Variants in EPS15 observed in about 807,000 individuals in gnomAD.
EPS15 encodes epidermal growth factor receptor pathway substrate 15, also known as epidermal growth factor receptor substrate 15.
A neutral mutation model predicts 113.8 loss-of-function variants in EPS15; 72 were observed. That is an observed-to-expected ratio of 0.63 (90% CI 0.52 to 0.77). The LOEUF (loss-of-function observed/expected upper bound fraction) is 0.77, where lower values mean the gene tolerates loss of function less well. Among genes scored for constraint, EPS15 ranks in the 30% least tolerant of loss-of-function variants. The pLI, the probability that EPS15 is intolerant of heterozygous loss-of-function variation, is 0.00. For missense variants in EPS15, 1,048 were observed against 1,045.8 expected, an observed-to-expected ratio of 1.00 and a Z score of -0.03; for synonymous variants, 344 against 363.4, an observed-to-expected ratio of 0.95 and a Z score of 0.61.
Position 51,488,076 on chromosome 1 carries a change from C to A in EPS15, c.34-6762G>T, listed in dbSNP as rs1017911532. On this transcript the variant is annotated intron_variant, in intron 1 of 24. Transcript: ENST00000371733. ...TTTTTACATTCTTCTTCATACTACT[C>A]TGCAGTCTCTGGAAACTCTGAGAAT... is the stretch of plus-strand genomic sequence containing the variant. Among the ~76,000 whole-genome samples, 8 of 152,174 alleles carry A rather than the reference C, an allele frequency of 5.3e-5. No individual in the cohort carries two copies. The South Asian group carries it at 1.0e-3, about 20-fold the overall frequency.
chr1:51,375,843 T>C (rs1646784540), intron 21 of EPS15, among the ~76,000 whole-genome samples: 2 of 152,116 alleles, frequency 1.3e-5, no homozygotes, highest in South Asian at 2.1e-4. Flanking sequence ...CCAACATAAA[T>C]ACATAAATAG....
intron 12 of EPS15, among the ~76,000 whole-genome samples, chr1:51,430,837 T>C (rs1651648743): frequency 1.3e-5 from 2 of 151,924 alleles, no homozygotes; most frequent in African/African-American, 2.4e-5. Flanking sequence ...CACATGCCTG[T>C]AGTCCCAGCT....
At chr1:51,407,467 G>A (rs1437059785) in intron 15 of EPS15, among the ~76,000 whole-genome samples, 2 of 152,078 alleles carry the variant, frequency 1.3e-5, no homozygotes, top group Admixed American at 1.3e-4. Flanking sequence ...CAAAGTGCTG[G>A]GATTACAGGC....
intron 16 of EPS15, among the ~76,000 whole-genome samples, chr1:51,405,550 T>C (rs1649027472): frequency 6.6e-6 from 1 of 151,826 alleles, no homozygotes; most frequent in Non-Finnish European, 1.5e-5. Context: ...TACAAAAAAT[T>C]AGCTGAGTGT....
chr1:51,410,335 G>A (rs1267903702), intron 13 of EPS15, among the ~76,000 whole-genome samples: 2 of 151,184 alleles, frequency 1.3e-5, no homozygotes, highest in East Asian at 3.9e-4. Flanking sequence ...AGGCTGCAGT[G>A]AGCTGTGATC....
intron 3 of EPS15, among the ~76,000 whole-genome samples, chr1:51,472,364 T>C (rs1655304353): frequency 6.6e-6 from 1 of 152,234 alleles, no homozygotes; most frequent in South Asian, 2.1e-4. Context: ...AGATGATTGA[T>C]ATTTGTGAAT....
chr1:51,406,725 T>C lies in EPS15; in HGVS notation c.1474-617A>G, dbSNP rs1487408826. The stretch of plus-strand genomic sequence containing the variant: ...ACTACAACAACTCTTTCAGGTTACC[T>C]GTTTATTGAGTACCTACACTGGGAC... On this transcript the variant is annotated intron_variant, in intron 15 of 24. Transcript: ENST00000371733. Among the ~76,000 whole-genome samples, 4 of 152,142 alleles carry C rather than the reference T, an allele frequency of 2.6e-5. No homozygotes were observed. In the East Asian group the frequency reaches 7.7e-4, roughly 29 times the overall value.
intron 1 of EPS15, among the ~76,000 whole-genome samples, chr1:51,499,032 G>A (rs950036966): frequency 3.7e-4 from 56 of 151,898 alleles, no homozygotes; most frequent in African/African-American, 1.1e-3. Flanking sequence ...TCCCTTTTAC[G>A]CCCTTCTACC....
intron 12 of EPS15, among the ~76,000 whole-genome samples, chr1:51,424,607 A>C (rs1349648479): frequency 6.6e-6 from 1 of 152,188 alleles, no homozygotes; most frequent in Admixed American, 6.6e-5. Context: ...CATTATTTCA[A>C]AAATAGGTGT....
chr1:51,384,056 T>C (rs1647001058), intron 21 of EPS15, among the ~76,000 whole-genome samples: 1 of 152,120 alleles, frequency 6.6e-6, no homozygotes, highest in South Asian at 2.1e-4. Flanking sequence ...GACAATACAA[T>C]ACATTCTGAA....
At chr1:51,375,292 C>T (rs559423766) in intron 21 of EPS15, among the ~76,000 whole-genome samples, 51 of 152,246 alleles carry the variant, frequency 3.3e-4, no homozygotes, top group Middle Eastern at 3.4e-3. Flanking sequence ...TGAGCCACCG[C>T]GCCCGACTAT....
chr1:51,402,945 A>C (rs763248928), intron 17 of EPS15, among the ~76,000 whole-genome samples: 5 of 152,158 alleles, frequency 3.3e-5, no homozygotes, highest in East Asian at 1.9e-4. Context: ...TGTAACAAAT[A>C]TCTCTCTAGT....
intron 1 of EPS15, among the ~76,000 whole-genome samples, chr1:51,510,189 A>G (rs189620292): frequency 1.3e-5 from 2 of 152,296 alleles, no homozygotes; most frequent in East Asian, 3.9e-4. Flanking sequence ...CTCCTCCCCA[A>G]TACACACAAA....
chr1:51,357,460 A>C (rs1421279772), intron 24 of EPS15, among the ~76,000 whole-genome samples: 12 of 132,238 alleles, frequency 9.1e-5, no homozygotes, highest in Admixed American at 2.4e-4. Flanking sequence ...ATATATATAT[A>C]TATCTCACTA....
chr1:51,480,662 C>A (rs1348731334), intron 2 of EPS15, among the ~76,000 whole-genome samples: 1 of 152,158 alleles, frequency 6.6e-6, no homozygotes, highest in Non-Finnish European at 1.5e-5. Flanking sequence ...TAGAGGCATG[C>A]ACCACCAAAC....
chr1:51,440,277 C>CTGTG (rs3040220), intron 12 of EPS15, 70 bp downstream of exon 12: 12,353 of 443,872 alleles, frequency 0.028, 121 homozygotes, highest in East Asian at 0.071. Context: ...TATACATGTA[C>CTGTG]TGTGTGTGTG....
Position 51,354,577 on chromosome 1 carries a change from A to G in EPS15, c.*2123T>C, listed in dbSNP as rs993888945. 1.8e-5 allele frequency: 3 copies of G among 170,660 alleles called. No individual in the cohort carries two copies. Among genetic ancestry groups the G allele is most frequent in the Non-Finnish European group, 3.8e-5 (3 of 79,286 alleles). 10.6% of individuals were successfully genotyped at this position (170,660 alleles called of 1,614,324 possible). A position where few individuals can be genotyped will look rare whatever the true frequency, so the allele number is the denominator to read the frequency against. ...TAAAACTTTGTAAGTAGTGCCACTT[A>G]GCTCTGGGCAATACTTATCTGTCCT... On this transcript the variant is annotated 3_prime_UTR_variant, in exon 25 of 25. Coordinates refer to ENST00000371733, the MANE Select transcript of EPS15 (RefSeq NM_001981.3).
intron 21 of EPS15, among the ~76,000 whole-genome samples, chr1:51,382,619 A>C (rs1166620676): frequency 6.6e-6 from 1 of 151,990 alleles, no homozygotes; most frequent in South Asian, 2.1e-4. Flanking sequence ...GGGTTTCACC[A>C]TGTTGGCCAG....
intron 11 of EPS15, among the ~76,000 whole-genome samples, chr1:51,441,219 C>CTGTA (rs1652574077): frequency 6.6e-6 from 1 of 152,056 alleles, no homozygotes; most frequent in South Asian, 2.1e-4. Context: ...TGACATCAGT[C>CTGTA]TACAAACTGT....
Sources: allele counts gnomAD v4.1 joint callset (sites outside exome capture counted in the v4.1 genomes callset), GRCh38; gene constraint gnomAD v4.1.1; transcripts MANE v1.5; gene names NCBI Gene and HGNC (gene_info 2026-07-23, HGNC 2026-07-21).